Variants in MBTPS1 observed in about 807,000 individuals in gnomAD.
MBTPS1 encodes the protein membrane-bound transcription factor site-1 protease.
In MBTPS1, 94 loss-of-function variants were observed where a neutral mutation model predicts 127.8. That is an observed-to-expected ratio of 0.74 (90% CI 0.62 to 0.87). The LOEUF is 0.87. Ranked by LOEUF, MBTPS1 falls within the 40% of genes least tolerant of loss-of-function variation. The pLI is 0.00. For synonymous variants in MBTPS1, 632 were observed against 509.4 expected, an observed-to-expected ratio of 1.24 and a Z score of -3.24; for missense variants, 1,636 against 1,353.2, an observed-to-expected ratio of 1.21 and a Z score of -3.28.
intron 2 of MBTPS1, among the ~76,000 whole-genome samples, chr16:84,099,771 G>A (rs1433416520): frequency 2.9e-5 from 4 of 139,460 alleles, no homozygotes; most frequent in African/African-American, 5.4e-5. Context: ...GCAAGCCTCC[G>A]TCTCAAAAAA....
At chr16:84,071,470 T>C (rs1054386042) in intron 12 of MBTPS1, among the ~76,000 whole-genome samples, 5 of 152,170 alleles carry the variant, frequency 3.3e-5, no homozygotes, top group African/African-American at 1.2e-4. Flanking sequence ...AAGAAAAATA[T>C]CTGTAGGATA....
At chr16:84,116,241 C>A (rs1327056652) in intron 1 of MBTPS1, among the ~76,000 whole-genome samples, 1 of 152,226 alleles carries the variant, frequency 6.6e-6, no homozygotes, top group Non-Finnish European at 1.5e-5. Context: ...GGTAGCGCAA[C>A]CATGCCAAGG....
chr16:84,090,423 C>G (rs578002823), intron 8 of MBTPS1, among the ~76,000 whole-genome samples: 1 of 152,198 alleles, frequency 6.6e-6, no homozygotes, highest in African/African-American at 2.4e-5. Context: ...GCCAGCACTT[C>G]CCCTGTGAAT....
intron 21 of MBTPS1, chr16:84,056,681 G>A (rs954121824): frequency 6.6e-6 from 1 of 152,614 alleles, no homozygotes; most frequent in Non-Finnish European, 1.5e-5. Flanking sequence ...CCAACAGTGG[G>A]AGAGAGTCTG....
At chr16:84,116,187 G>A (rs1474856933) in intron 1 of MBTPS1, among the ~76,000 whole-genome samples, 1 of 152,150 alleles carries the variant, frequency 6.6e-6, no homozygotes, top group African/African-American at 2.4e-5. Flanking sequence ...CAATATGAAA[G>A]GTAAACATCT....
At chr16:84,112,865 C>T (rs2086418324) in intron 1 of MBTPS1, among the ~76,000 whole-genome samples, 1 of 149,828 alleles carries the variant, frequency 6.7e-6, no homozygotes, top group Admixed American at 6.7e-5. Flanking sequence ...ATCCCAGCTA[C>T]TCAGGAGGTT....
At position 84,087,469 on chromosome 16, in the gene MBTPS1, A is replaced by T; in HGVS notation, c.1032-9T>A. ...CAGGGTTATTCAGAGTGCTATATTGAGACCAAAAAAAAAAAAAAAGAAAAG... is the reference window on the plus strand; with the variant it reads ...CAGGGTTATTCAGAGTGCTATATTGTGACCAAAAAAAAAAAAAAAGAAAAG... On this transcript the variant is annotated splice_polypyrimidine_tract_variant and intron_variant, in intron 8 of 22. Transcript: ENST00000343411. 7.5e-7 allele frequency: 1 copy of T among 1,335,850 alleles called. No homozygotes were observed. Among genetic ancestry groups the T allele is most frequent in the Non-Finnish European group, 1.0e-6 (1 of 988,210 alleles). The allele number at this position is 1,335,850 out of a possible 1,614,324, so 82.7% of individuals were successfully genotyped here. A position where few individuals can be genotyped will look rare whatever the true frequency, so the allele number is the denominator to read the frequency against.
chr16:84,068,535 G>C, intron 14 of MBTPS1, 81 bp from the exon 15 acceptor site: 3 of 938,136 alleles, frequency 3.2e-6, no homozygotes, highest in Non-Finnish European at 5.1e-6. Flanking sequence ...GGCCGGCTCT[G>C]CAAGAGCACC....
intron 11 of MBTPS1, among the ~76,000 whole-genome samples, chr16:84,077,082 G>A (rs890106670): frequency 3.3e-5 from 5 of 151,842 alleles, no homozygotes; most frequent in Admixed American, 1.3e-4. Flanking sequence ...AAAAATTAGC[G>A]GGGCATGGGG....
At position 84,076,997 on chromosome 16, in the gene MBTPS1, G is replaced by A. The variant is rs151244830; in HGVS notation, c.1449-2256C>T. Among the ~76,000 whole-genome samples the A allele has an allele frequency of 6.9e-3, 1,044 of 152,242 alleles. 14 individuals carry two copies. The highest frequency in any genetic ancestry group is 0.024 in the African/African-American group (1,003 of 41,550). ...TCCCAGCACTTTGGGAGGCCGAGGC[G>A]GGAGGACGGCTTGAGCCCAGGAGTT... On this transcript the variant is annotated intron_variant, in intron 11 of 22. Coordinates refer to ENST00000343411, the MANE Select transcript of MBTPS1 (RefSeq NM_003791.4).
intron 8 of MBTPS1, among the ~76,000 whole-genome samples, chr16:84,089,399 A>G (rs1357297452): frequency 2.0e-5 from 3 of 152,388 alleles, no homozygotes; most frequent in South Asian, 4.1e-4. Context: ...AAAGTTTGCA[A>G]TTCAGCCTAG....
intron 8 of MBTPS1, among the ~76,000 whole-genome samples, chr16:84,087,899 T>C (rs556366177): frequency 3.3e-5 from 5 of 152,268 alleles, no homozygotes; most frequent in African/African-American, 1.2e-4. Context: ...CACACACTTC[T>C]CCTGGAAGAA....
At chr16:84,058,754 G>A (rs2085559502) in intron 21 of MBTPS1, among the ~76,000 whole-genome samples, 1 of 152,232 alleles carries the variant, frequency 6.6e-6, no homozygotes, top group South Asian at 2.1e-4. Flanking sequence ...GTGAGCTGGA[G>A]AAGGGATCCA....
At chr16:84,055,339 G>A (rs2085506624) in intron 22 of MBTPS1, among the ~76,000 whole-genome samples, 1 of 152,176 alleles carries the variant, frequency 6.6e-6, no homozygotes, top group African/African-American at 2.4e-5. Context: ...GACAATTCCT[G>A]GAACCCAGAG....
intron 11 of MBTPS1, among the ~76,000 whole-genome samples, chr16:84,079,926 G>A (rs2085915318): frequency 6.6e-6 from 1 of 152,178 alleles, no homozygotes; most frequent in African/African-American, 2.4e-5. Context: ...GCAGCTTGGA[G>A]CACCCCGAGT....
intron 3 of MBTPS1, among the ~76,000 whole-genome samples, 188 bp from the exon 4 acceptor site, chr16:84,095,993 G>A (rs1188503055): frequency 1.3e-5 from 2 of 152,138 alleles, no homozygotes; most frequent in Non-Finnish European, 1.5e-5. Context: ...TTATTTAGCT[G>A]TCATATTACT....
chr16:84,111,507 C>T (rs1441885894), intron 1 of MBTPS1, among the ~76,000 whole-genome samples: 2 of 151,348 alleles, frequency 1.3e-5, no homozygotes, highest in Non-Finnish European at 2.9e-5. Flanking sequence ...TGCCACTGCA[C>T]TCCAGCCTGG....
chr16:84,069,645 A>G (rs974619184), intron 14 of MBTPS1, among the ~76,000 whole-genome samples: 7 of 152,222 alleles, frequency 4.6e-5, no homozygotes, highest in African/African-American at 1.4e-4. Context: ...AGGAAGGAAA[A>G]GAGAACTTCA....
intron 2 of MBTPS1, 128 bp downstream of exon 2, chr16:84,101,490 CAAA>C (rs1339578360): frequency 1.6e-3 from 945 of 605,666 alleles, no homozygotes; most frequent in Middle Eastern, 2.6e-3. Flanking sequence ...GACTCTGTCT[CAAA>C]AAAAAAAAAA....
Sources: gnomAD v4.1 joint callset for allele counts (sites outside exome capture counted in the v4.1 genomes callset) on GRCh38, gnomAD v4.1.1 for gene constraint, MANE v1.5 for transcripts, NCBI Gene and HGNC (gene_info 2026-07-23, HGNC 2026-07-21) for gene names.